The following WASL variants were observed in gnomAD, a reference collection of about 807,000 sequenced individuals.
The protein encoded by WASL is actin nucleation-promoting factor WASL.
Under a neutral mutation model 55.5 loss-of-function variants are expected in WASL, and 20 were observed. The ratio of observed to expected loss-of-function variants is 0.36; its 90% CI spans 0.25 to 0.52. The LOEUF is 0.52. WASL is among the 20% of genes least tolerant of loss of function. The pLI is 0.92. For missense variants in WASL, 504 were observed against 622.5 expected, an observed-to-expected ratio of 0.81 and a Z score of 2.03; for synonymous variants, 249 against 217.6, an observed-to-expected ratio of 1.14 and a Z score of -1.27.
At chr7:123,725,965 T>G (rs1179581229) in intron 1 of WASL, among the ~76,000 whole-genome samples, 2 of 152,194 alleles carry the variant, frequency 1.3e-5, no homozygotes, top group Non-Finnish European at 2.9e-5. Flanking sequence ...GATCAGTGTT[T>G]TAAGCAAACA....
chr7:123,719,454 A>G (rs1455667218), intron 1 of WASL, among the ~76,000 whole-genome samples: 1 of 152,086 alleles, frequency 6.6e-6, no homozygotes, highest in Non-Finnish European at 1.5e-5. Context: ...TCTGGGAGGG[A>G]AGTCAGGCTG....
intron 7 of WASL, among the ~76,000 whole-genome samples, 195 bp downstream of exon 7, chr7:123,695,628 G>C (rs1803478057): frequency 6.6e-6 from 1 of 151,948 alleles, no homozygotes. Flanking sequence ...CAAAACCTTA[G>C]TCTAAGTCTT....
chr7:123,747,640 G>A (rs1165291245), intron 1 of WASL, among the ~76,000 whole-genome samples: 1 of 152,098 alleles, frequency 6.6e-6, no homozygotes, highest in Non-Finnish European at 1.5e-5. Context: ...TACTCTGCAG[G>A]TGCTAGCAAA....
At chr7:123,734,758 C>G (rs1203929980) in intron 1 of WASL, among the ~76,000 whole-genome samples, 1 of 152,010 alleles carries the variant, frequency 6.6e-6, no homozygotes, top group Non-Finnish European at 1.5e-5. Flanking sequence ...ACCCAATGAT[C>G]TGTACAATAC....
Position 123,748,607 on chromosome 7 carries a change from C to G in WASL, c.117+11G>C. ...ATGTCACGGGTGGCGACGCGGGTCT[C>G]GTCCACTGACCACACATTTCTTGCC... On this transcript the variant is annotated intron_variant, in intron 1 of 10. Coordinates refer to ENST00000223023, the MANE Select transcript of WASL (RefSeq NM_003941.4). 2 of 1,612,974 alleles carry G rather than the reference C, an allele frequency of 1.2e-6. No individual in the cohort carries two copies. Among genetic ancestry groups the G allele is most frequent in the Non-Finnish European group, 1.7e-6 (2 of 1,179,396 alleles).
At chr7:123,726,007 T>C (rs1804034703) in intron 1 of WASL, among the ~76,000 whole-genome samples, 2 of 152,222 alleles carry the variant, frequency 1.3e-5, no homozygotes, top group South Asian at 2.1e-4. Context: ...CCTAGAGATC[T>C]AAAGCATATT....
At chr7:123,689,913 C>G (rs1274309552) in intron 9 of WASL, among the ~76,000 whole-genome samples, 1 of 151,932 alleles carries the variant, frequency 6.6e-6, no homozygotes, top group Non-Finnish European at 1.5e-5. Context: ...TTTATTTAGA[C>G]AAACTTTCCA....
intron 1 of WASL, among the ~76,000 whole-genome samples, chr7:123,718,757 G>A (rs1247746161): frequency 6.6e-6 from 1 of 152,168 alleles, no homozygotes; most frequent in Non-Finnish European, 1.5e-5. Context: ...GTAATGGGGT[G>A]CTCACAACCT....
intron 1 of WASL, among the ~76,000 whole-genome samples, chr7:123,739,912 GTGTATA>G (rs771456392): frequency 0.23 from 7,849 of 34,560 alleles, 211 homozygotes; most frequent in East Asian, 0.33. Context: ...GTGTGTGTGT[GTGTATA>G]TATATATATA....
chr7:123,720,889 A>G (rs1338052920), intron 1 of WASL, among the ~76,000 whole-genome samples: 1 of 152,052 alleles, frequency 6.6e-6, no homozygotes, highest in Non-Finnish European at 1.5e-5. Flanking sequence ...AAAAAAAAAG[A>G]CCTACTCAAA....
intron 1 of WASL, among the ~76,000 whole-genome samples, chr7:123,728,265 T>A (rs561843953): frequency 2.0e-5 from 3 of 152,298 alleles, no homozygotes; most frequent in African/African-American, 4.8e-5. Flanking sequence ...CACTAGACTG[T>A]CATTATAAAA....
chr7:123,710,666 C>T (rs925189394), intron 1 of WASL, among the ~76,000 whole-genome samples: 3 of 152,140 alleles, frequency 2.0e-5, no homozygotes, highest in Non-Finnish European at 4.4e-5. Flanking sequence ...ACTTCACATA[C>T]AGTACTGAGT....
intron 9 of WASL, 23 bp downstream of exon 9, chr7:123,692,324 G>GAAA: frequency 8.4e-7 from 1 of 1,194,132 alleles, no homozygotes. Flanking sequence ...GATCTAAAAT[G>GAAA]AAAAAAAAAA....
At chr7:123,745,467 A>G (rs1057373667) in intron 1 of WASL, among the ~76,000 whole-genome samples, 6 of 152,188 alleles carry the variant, frequency 3.9e-5, no homozygotes, top group East Asian at 1.9e-4. Flanking sequence ...ATGCTGTACT[A>G]AAAGAATTTG....
chr7:123,717,879 T>C (rs1391514463), intron 1 of WASL, among the ~76,000 whole-genome samples: 1 of 152,158 alleles, frequency 6.6e-6, no homozygotes, highest in Non-Finnish European at 1.5e-5. Flanking sequence ...AAAGCAGCCA[T>C]AGATTATATG....
chr7:123,696,630 G>T lies in WASL; in HGVS notation c.578C>A (p.Ala193Asp). 2 of 1,600,064 alleles carry T rather than the reference G, an allele frequency of 1.2e-6. No individual in the cohort carries two copies. The highest frequency in any genetic ancestry group is 2.3e-5 in the East Asian group (1 of 43,838). Reference protein sequence around the residue: ...SHTKEKKKGKAKKKRLTKADI... With the variant: ...SHTKEKKKGKDKKKRLTKADI... ...TGCCTTGGTTAATCTCTTCTTTTTA[G>T]CTTTTCCCTTCTTCTTTTCTTTGGT... is the stretch of plus-strand genomic sequence containing the variant. The change falls in exon 6 of 11, where the codon GCT (alanine) becomes GAT (aspartate). Residue 193 changes from alanine (A) to aspartate (D), a missense_variant. Ala to Asp is a moderately radical substitution (Grantham distance 126, BLOSUM62 -2). Around this residue, in one of 5 missense-constraint regions of WASL, gnomAD observed 230 missense variants for 271.9 expected, o/e 0.85. Coordinates refer to ENST00000223023, the MANE Select transcript of WASL (RefSeq NM_003941.4).
At chr7:123,747,077 ATTTC>A (rs906897788) in intron 1 of WASL, among the ~76,000 whole-genome samples, 2 of 152,188 alleles carry the variant, frequency 1.3e-5, no homozygotes, top group African/African-American at 2.4e-5. Context: ...CAAAGTGGTT[ATTTC>A]TTTAACACCA....
chr7:123,693,111 T>A (rs1009231899), intron 8 of WASL, among the ~76,000 whole-genome samples: 1 of 152,176 alleles, frequency 6.6e-6, no homozygotes, highest in Non-Finnish European at 1.5e-5. Flanking sequence ...CAGAATAGTT[T>A]ATTTTTTTGG....
At chr7:123,700,175 CAAAAAAAAAAAAAAAAA>C (rs1168168286) in intron 5 of WASL, among the ~76,000 whole-genome samples, 2 of 47,352 alleles carry the variant, frequency 4.2e-5, no homozygotes, top group East Asian at 6.9e-4. Context: ...AACTCCGTCT[CAAAAAAAAAAAAAAAAA>C]AAAAAAAAAA....
Sources: allele counts gnomAD v4.1 joint callset (sites outside exome capture counted in the v4.1 genomes callset), GRCh38; gene constraint gnomAD v4.1.1; regional missense constraint gnomAD v4.1.1; transcripts MANE v1.5; gene names NCBI Gene and HGNC (gene_info 2026-07-23, HGNC 2026-07-21).